DNAH8: variants seen among roughly 807,000 people sequenced by gnomAD.
The protein encoded by DNAH8 is axonemal beta dynein heavy chain 8.
Under a neutral mutation model 562.1 loss-of-function variants are expected in DNAH8, and 382 were observed. The observed-to-expected ratio is 0.68, with a 90% CI of 0.63 to 0.74. The LOEUF (loss-of-function observed/expected upper bound fraction) is 0.74. DNAH8 is among the 30% of genes least tolerant of loss of function. The probability of loss-of-function intolerance (pLI) is 0.00; values close to 1 mark genes in which losing one functional copy is unlikely to be tolerated. For synonymous variants in DNAH8, 1,881 were observed against 1,919.4 expected (o/e 0.98, Z 0.52); for missense variants, 5,203 against 5,620.4 (o/e 0.93, Z 2.37).
Position 38,982,379 on chromosome 6 carries a change from A to G in DNAH8, c.12868A>G (p.Ile4290Val). ...RRKFGPLGWN[I>V]PYEFNSADFS... ...AAAATTTGGCCCCTTAGGATGGAAT[A>G]TTCCCTACGAATTCAATTCTGCTGA... The change falls in exon 86 of 93, where the codon ATT (isoleucine) becomes GTT (valine). Residue 4290 changes from isoleucine (I) to valine (V), a missense_variant. By Grantham distance (29) the Ile-to-Val change is conservative. Transcript: ENST00000327475. 1 of 1,611,486 alleles carries G rather than the reference A, an allele frequency of 6.2e-7. No homozygotes were observed.
chr6:38,727,587 T>C (rs1763330076), intron 3 of DNAH8, among the ~76,000 whole-genome samples: 1 of 152,250 alleles, frequency 6.6e-6, no homozygotes. Context: ...CCGTTGTTGC[T>C]AGTCCCATTG....
rs1767287581 is a variant in DNAH8 at position 39,026,412 on chromosome 6, G to A, written c.13715-134G>A. 7 of 836,344 alleles carry A rather than the reference G, an allele frequency of 8.4e-6. No individual in the cohort carries two copies. In the South Asian group the frequency reaches 1.3e-4, roughly 16 times the overall value. 51.8% of individuals were successfully genotyped at this position (836,344 alleles called of 1,614,324 possible). A position where few individuals can be genotyped will look rare whatever the true frequency, so the allele number is the denominator to read the frequency against. ...CACTGAGACAAATGTCTCCCCTGGG[G>A]TTTGGCCTCAACTCCTTTTGAGATG... On this transcript the variant is annotated intron_variant, in intron 91 of 92. Coordinates refer to ENST00000327475, the MANE Select transcript of DNAH8 (RefSeq NM_001206927.2).
intron 60 of DNAH8, among the ~76,000 whole-genome samples, chr6:38,896,426 T>G (rs1779693856): frequency 6.6e-6 from 1 of 150,868 alleles, no homozygotes; most frequent in African/African-American, 2.4e-5. Flanking sequence ...ATAAGAAAAA[T>G]TAGTCGGGTG....
intron 33 of DNAH8, among the ~76,000 whole-genome samples, chr6:38,839,850 C>T (rs770338168): frequency 3.3e-5 from 5 of 151,984 alleles, no homozygotes; most frequent in Admixed American, 6.6e-5. Context: ...TTAGTAGAGA[C>T]GGGGTTTCAT....
At chr6:38,998,936 G>A (rs2150747142) in intron 88 of DNAH8, among the ~76,000 whole-genome samples, 1 of 152,308 alleles carries the variant, frequency 6.6e-6, no homozygotes, top group South Asian at 2.1e-4. Flanking sequence ...CTCTGTTATA[G>A]CTAGCTAACT....
At chr6:38,773,161 A>C (rs1375914679) in intron 12 of DNAH8, among the ~76,000 whole-genome samples, 1 of 151,852 alleles carries the variant, frequency 6.6e-6, no homozygotes, top group Admixed American at 6.6e-5. Context: ...GGCTACTAGC[A>C]CAAGTCAAAT....
chr6:38,926,888 C>T (rs1157342284), intron 74 of DNAH8, among the ~76,000 whole-genome samples: 1 of 152,196 alleles, frequency 6.6e-6, no homozygotes, highest in Non-Finnish European at 1.5e-5. Flanking sequence ...TCCATCAAGA[C>T]TTTTCTGTGT....
At chr6:38,822,386 T>TGGGG (rs759894325) in intron 26 of DNAH8, 1 of 153,478 alleles carries the variant, frequency 6.5e-6, no homozygotes, top group Non-Finnish European at 1.5e-5. Context: ...CGCTGACCTT[T>TGGGG]AAACACCCCA....
Position 38,832,375 on chromosome 6 carries a change from A to T in DNAH8, c.4242A>T (p.Leu1414=). The part of the protein sequence containing the change: ...VQVQPKFKSN[L]LESVEVFRED... The stretch of plus-strand genomic sequence containing the variant: ...TGCAGCCAAAGTTTAAAAGCAATCT[A>T]CTTGAGTCTGTGGAAGTTTTTCGTG... The change falls in exon 31 of 93, where the codon CTA becomes CTT. Residue 1414 remains leucine (L), a synonymous_variant. Coordinates refer to ENST00000327475, the MANE Select transcript of DNAH8 (RefSeq NM_001206927.2). 1 of 1,613,914 alleles carries T rather than the reference A, an allele frequency of 6.2e-7. No individual in the cohort carries two copies. The highest frequency in any genetic ancestry group is 1.1e-5 in the South Asian group (1 of 91,050).
intron 67 of DNAH8, among the ~76,000 whole-genome samples, chr6:38,914,444 A>G (rs1446638541): frequency 8.7e-6 from 1 of 114,832 alleles, no homozygotes; most frequent in Non-Finnish European, 1.6e-5. Context: ...TCTGTTGCCC[A>G]GGCTGGAGTG....
chr6:39,023,630 TC>T (rs1453822230), intron 91 of DNAH8, among the ~76,000 whole-genome samples: 2 of 152,246 alleles, frequency 1.3e-5, no homozygotes, highest in Non-Finnish European at 2.9e-5. Flanking sequence ...AGCTTTTCAT[TC>T]CATTAGACTT....
intron 60 of DNAH8, among the ~76,000 whole-genome samples, chr6:38,896,606 C>CAAACA (rs1561832615): frequency 2.0e-5 from 3 of 146,598 alleles, no homozygotes; most frequent in African/African-American, 7.5e-5. Flanking sequence ...AACAAACAAA[C>CAAACA]AAAAAAACAA....
Position 38,894,815 on chromosome 6 carries a change from A to G in DNAH8, c.8698A>G (p.Thr2900Ala), listed in dbSNP as rs1371596272. 1.2e-6 allele frequency: 2 copies of G among 1,613,734 alleles called. No individual in the cohort carries two copies. The highest frequency in any genetic ancestry group is 1.3e-5 in the African/African-American group (1 of 74,840). The change falls in exon 59 of 93, where the codon ACT (threonine) becomes GCT (alanine). Residue 2900 changes from threonine to alanine, a missense_variant. Thr to Ala is a moderately conservative substitution (Grantham distance 58). Coordinates refer to ENST00000327475, the MANE Select transcript of DNAH8 (RefSeq NM_001206927.2). ...IKAEECASIP[T>A]LLSLFKHECS... is the part of the protein sequence containing the mutation. ...AGCTGAGGAGTGCGCTTCAATCCCT[A>G]CTCTCCTGTCCCTTTTCAAACACGA... is the stretch of plus-strand genomic sequence containing the variant.
chr6:38,795,184 G>T (rs1770114879), intron 21 of DNAH8, among the ~76,000 whole-genome samples: 1 of 152,108 alleles, frequency 6.6e-6, no homozygotes, highest in South Asian at 2.1e-4. Flanking sequence ...TCCCAATGTT[G>T]TATAACCATC....
intron 23 of DNAH8, among the ~76,000 whole-genome samples, chr6:38,806,788 A>T (rs1989508): frequency 0.027 from 3,737 of 137,526 alleles, 151 homozygotes; most frequent in African/African-American, 0.088. Flanking sequence ...CTCAAAAAAA[A>T]AATAATAATA....
chr6:38,788,436 C>T (rs1372409461), intron 18 of DNAH8, among the ~76,000 whole-genome samples: 3 of 152,172 alleles, frequency 2.0e-5, no homozygotes, highest in Non-Finnish European at 4.4e-5. Flanking sequence ...AGGCCTGAGC[C>T]ACTGCGCCCG....
intron 60 of DNAH8, 39 bp from the exon 61 acceptor site, chr6:38,898,219 T>A (rs1779829945): frequency 6.5e-7 from 1 of 1,544,966 alleles, no homozygotes; most frequent in South Asian, 1.3e-5. Context: ...CATACTTGGA[T>A]CTTAAATATT....
intron 17 of DNAH8, among the ~76,000 whole-genome samples, chr6:38,786,321 A>G (rs560454111): frequency 4.2e-4 from 64 of 152,288 alleles, no homozygotes; most frequent in Non-Finnish European, 8.2e-4. Context: ...CAGGATGGAG[A>G]TTTAATTTAA....
At chr6:39,015,224 T>A (rs146158621) in intron 91 of DNAH8, among the ~76,000 whole-genome samples, 48 of 152,338 alleles carry the variant, frequency 3.2e-4, no homozygotes, top group African/African-American at 1.1e-3. Flanking sequence ...TCCCTGGCTT[T>A]CCATAGTCAC....
Sources: gnomAD v4.1 joint callset for allele counts (sites outside exome capture counted in the v4.1 genomes callset) on GRCh38, gnomAD v4.1.1 for gene constraint, MANE v1.5 for transcripts, NCBI Gene and HGNC (gene_info 2026-07-23, HGNC 2026-07-21) for gene names.